KDM5A: variants seen among roughly 807,000 people sequenced by gnomAD.
KDM5A encodes lysine-specific demethylase 5A.
Under a neutral mutation model 193.5 loss-of-function variants are expected in KDM5A, and 42 were observed. The observed-to-expected ratio is 0.22, with a 90% CI of 0.17 to 0.28. The LOEUF is 0.28. Ranked by LOEUF, KDM5A falls within the 10% of genes least tolerant of loss-of-function variation. KDM5A has a pLI of 1.00. For missense variants in KDM5A, 1,692 were observed against 2,055.1 expected (o/e 0.82, Z 3.42); for synonymous variants, 796 against 718.1 (o/e 1.11, Z -1.73).
intron 3 of KDM5A, among the ~76,000 whole-genome samples, chr12:367,652 A>C (rs2137473341): frequency 6.6e-6 from 1 of 152,124 alleles, no homozygotes; most frequent in African/African-American, 2.4e-5. Context: ...CAGTTAGCTG[A>C]GATTGTGCCA....
intron 10 of KDM5A, among the ~76,000 whole-genome samples, chr12:342,816 T>C (rs1944023187): frequency 6.8e-6 from 1 of 147,986 alleles, no homozygotes; most frequent in Non-Finnish European, 1.5e-5. Context: ...CGTTCCAAGA[T>C]GGCCAAATAG....
intron 5 of KDM5A, among the ~76,000 whole-genome samples, chr12:361,015 C>T (rs1232486462): frequency 6.6e-6 from 1 of 152,014 alleles, no homozygotes; most frequent in East Asian, 1.9e-4. Context: ...TACCAGAAAG[C>T]CTTTATTTTC....
chr12:385,947 C>A lies in KDM5A; in HGVS notation c.193G>T (p.Val65Leu). 1 of 1,613,862 alleles carries A rather than the reference C, an allele frequency of 6.2e-7. No individual in the cohort carries two copies. Among genetic ancestry groups the A allele is most frequent in the Non-Finnish European group, 8.5e-7 (1 of 1,179,828 alleles). ...CTTGGAGTGAAACGAAAGCTTTTTACTTCACAGGCAAATGGAGGCTGCCAG... is the reference window on the plus strand; with the variant it reads ...CTTGGAGTGAAACGAAAGCTTTTTAATTCACAGGCAAATGGAGGCTGCCAG... ...KDWQPPFACE[V>L]KSFRFTPRVQ... The change falls in exon 2 of 28, where the codon GTA (valine) becomes TTA (leucine). Residue 65 changes from valine to leucine, a missense_variant. Around this residue, in one of 11 missense-constraint regions of KDM5A, gnomAD observed 120 missense variants for 172.0 expected, o/e 0.70. Coordinates refer to ENST00000399788, the MANE Select transcript of KDM5A (RefSeq NM_001042603.3).
chr12:288,979 A>G (rs1943254527), intron 27 of KDM5A, among the ~76,000 whole-genome samples: 1 of 152,254 alleles, frequency 6.6e-6, no homozygotes. Flanking sequence ...TATCTGTGCT[A>G]AAAGGAGATA....
rs1409338672 is a variant in KDM5A, at chr12:329,135, A to ACCAAAT, written c.1774-112_1774-107dup. 2.0e-5 allele frequency: 18 copies of ACCAAAT among 891,954 alleles called. No individual in the cohort carries two copies. The East Asian group carries it at 4.6e-4, about 23-fold the overall frequency. The allele number at this position is 891,954 out of a possible 1,614,324, so 55.3% of individuals were successfully genotyped here. A position where few individuals can be genotyped will look rare whatever the true frequency, so the allele number is the denominator to read the frequency against. On this transcript the variant is annotated intron_variant, in intron 13 of 27. Transcript: ENST00000399788. ...CCTTTTATTAGAAAGAAGACAGAAT[A>ACCAAAT]CCAAATCCATTTAAATATAAAGAGG...
At chr12:339,726 A>T (rs1392535727) in intron 10 of KDM5A, among the ~76,000 whole-genome samples, 1 of 152,238 alleles carries the variant, frequency 6.6e-6, no homozygotes, top group Non-Finnish European at 1.5e-5. Flanking sequence ...CCTATGTTAC[A>T]TAAAAAATAA....
chr12:313,860 T>G (rs1459544714), intron 19 of KDM5A, among the ~76,000 whole-genome samples: 1 of 152,150 alleles, frequency 6.6e-6, no homozygotes, highest in Non-Finnish European at 1.5e-5. Flanking sequence ...ATTAGTATGA[T>G]TCTGTCCAAA....
chr12:339,539 T>C (rs897527529), intron 10 of KDM5A, among the ~76,000 whole-genome samples: 17 of 152,228 alleles, frequency 1.1e-4, no homozygotes, highest in African/African-American at 4.1e-4. Flanking sequence ...CTTTGGTTGA[T>C]GTCTTTAATG....
intron 1 of KDM5A, among the ~76,000 whole-genome samples, chr12:386,754 A>G (rs1294363947): frequency 6.6e-6 from 1 of 152,186 alleles, no homozygotes; most frequent in Admixed American, 6.5e-5. Flanking sequence ...GTAGGGATGG[A>G]TGCTCAACCT....
chr12:312,735 C>A (rs1943603906), intron 20 of KDM5A, among the ~76,000 whole-genome samples: 1 of 152,160 alleles, frequency 6.6e-6, no homozygotes, highest in South Asian at 2.1e-4. Context: ...CTTAGCCTAG[C>A]CTACCTTAAA....
At position 330,073 on chromosome 12, in the gene KDM5A, G is replaced by GTATATATATATATA. The variant is rs1393039421; in HGVS notation, c.1774-1045_1774-1044insTATATATATATATA. Among the ~76,000 whole-genome samples, 60 of 127,594 alleles carry GTATATATATATATA rather than the reference G, an allele frequency of 4.7e-4. No homozygotes were observed. In the East Asian group the frequency reaches 5.6e-3, roughly 12 times the overall value. 83.7% of individuals were successfully genotyped at this position (127,594 alleles called of 152,430 possible). A position where few individuals can be genotyped will look rare whatever the true frequency, so the allele number is the denominator to read the frequency against. On this transcript the variant is annotated intron_variant, in intron 13 of 27. Coordinates refer to ENST00000399788, the MANE Select transcript of KDM5A (RefSeq NM_001042603.3). ...GGAAAAAGTGTGTGTGTGTGTGTGTGTGTGTGTGTGTGTATATATATATAT... is the reference window on the plus strand; with the variant it reads ...GGAAAAAGTGTGTGTGTGTGTGTGTGTATATATATATATATGTGTGTGTGTGTATATATATATAT...
At chr12:365,491 G>A (rs867116303) in intron 4 of KDM5A, among the ~76,000 whole-genome samples, 1 of 152,344 alleles carries the variant, frequency 6.6e-6, no homozygotes, top group African/African-American at 2.4e-5. Context: ...TTGCCTGTGT[G>A]TGGGGGTGGT....
At chr12:295,292 A>G (rs774825672) in intron 26 of KDM5A, among the ~76,000 whole-genome samples, 22,526 of 150,426 alleles carry the variant, frequency 0.15, 1,974 homozygotes, top group Non-Finnish European at 0.2. Context: ...AAAGAAGAAA[A>G]AAGAAAAAGA....
At chr12:288,983 G>A (rs550491167) in intron 27 of KDM5A, among the ~76,000 whole-genome samples, 7 of 152,320 alleles carry the variant, frequency 4.6e-5, no homozygotes, top group African/African-American at 1.7e-4. Context: ...TGTGCTAAAA[G>A]GAGATATGAA....
chr12:355,080 A>G, intron 7 of KDM5A, 78 bp downstream of exon 7: 1 of 864,304 alleles, frequency 1.2e-6, no homozygotes, highest in Non-Finnish European at 2.0e-6. Flanking sequence ...AACACATACC[A>G]TGATATATCA....
chr12:320,911 G>T, intron 18 of KDM5A, 84 bp downstream of exon 18: 1 of 973,774 alleles, frequency 1.0e-6, no homozygotes, highest in Non-Finnish European at 1.7e-6. Flanking sequence ...CAAAAAACTA[G>T]TTTAGATATA....
chr12:355,180 T>C lies in KDM5A; in HGVS notation c.848A>G (p.Lys283Arg). The C allele has an allele frequency of 1.2e-6, 2 of 1,609,148 alleles. No individual in the cohort carries two copies. The highest frequency in any genetic ancestry group is 1.7e-6 in the Non-Finnish European group (2 of 1,175,494). ...DAFNMQMRQR[K>R]GTLSVNFVDL... ...TACAAAGTTAACAGAGAGAGTGCCT[T>C]TCCGTTGTCTCATTTGCATGTTAAA... Residue 283 changes from lysine (K) to arginine (R), a missense_variant, in exon 7 of 28, where the codon AAA becomes AGA. Transcript: ENST00000399788.
rs2137387048 is a variant in KDM5A, at chr12:307,108, C to A, written c.3931-19G>T. ...AGTGTCCCTAAACAACAAATAATTC[C>A]AAGATGAACAGCAAGACATGCTAAA... On this transcript the variant is annotated intron_variant, in intron 23 of 27. Transcript: ENST00000399788. This position sits in a 1 kb window ranked among gnomAD's most constrained non-coding sequence, Gnocchi z 4.3. 6.2e-7 allele frequency: 1 copy of A among 1,613,954 alleles called. No homozygotes were observed. Among genetic ancestry groups the A allele is most frequent in the South Asian group, 1.1e-5 (1 of 91,076 alleles).
chr12:298,215 T>G (rs1462878700), intron 24 of KDM5A, among the ~76,000 whole-genome samples: 1 of 152,162 alleles, frequency 6.6e-6, no homozygotes. Flanking sequence ...GAATGCCTCC[T>G]CAAGTGGGTC....
Sources: gnomAD v4.1 joint callset for allele counts (sites outside exome capture counted in the v4.1 genomes callset) on GRCh38, gnomAD v4.1.1 for gene constraint, gnomAD v4.1.1 regional missense constraint, Gnocchi (gnomAD v3.1) non-coding constraint, MANE v1.5 for transcripts, NCBI Gene and HGNC (gene_info 2026-07-23, HGNC 2026-07-21) for gene names.